LAX1: variants seen among roughly 807,000 people sequenced by gnomAD.
LAX1 encodes lymphocyte transmembrane adaptor 1.
In LAX1, 17 loss-of-function variants were observed where a neutral mutation model predicts 20.7. That is an observed-to-expected ratio of 0.82 (90% confidence interval 0.56 to 1.23). The LOEUF (loss-of-function observed/expected upper bound fraction) is 1.23. Among genes scored for constraint, LAX1 ranks in the 50% most tolerant of loss-of-function variants. LAX1 has a pLI of 0.00. For missense variants in LAX1, 470 were observed against 487.0 expected (o/e 0.97, Z 0.33); for synonymous variants, 165 against 181.0 (o/e 0.91, Z 0.71).
At chr1:203,771,027 C>G in intron 2 of LAX1, 90 bp downstream of exon 2, 2 of 1,087,000 alleles carry the variant, frequency 1.8e-6, no homozygotes, top group Non-Finnish European at 2.8e-6. Context: ...CAGGGATAAA[C>G]TATTGGCCTG....
In LAX1 at chr1:203,775,423, G is replaced by C. The variant is rs1356142669; in HGVS notation, c.*742G>C. On this transcript the variant is annotated 3_prime_UTR_variant, in exon 5 of 5. Coordinates refer to ENST00000442561, the MANE Select transcript of LAX1 (RefSeq NM_017773.4). ...AAAAAACAAACAAAAAAGAAGTGTG[G>C]GCAACCAAATGTAGGTAAGGATGAA... The C allele has an allele frequency of 6.6e-6, 1 of 152,026 alleles. No homozygotes were observed. The allele number at this position is 152,026 out of a possible 1,614,324, so 9.4% of individuals were successfully genotyped here.
chr1:203,770,718 T>TTCAC, intron 1 of LAX1, 110 bp from the exon 2 acceptor site: 1 of 843,606 alleles, frequency 1.2e-6, no homozygotes, highest in Admixed American at 2.0e-5. Context: ...TGGGCTTTCC[T>TTCAC]TCACTCGGCT....
chr1:203,765,779 C>T (rs1294779050), intron 1 of LAX1, 125 bp downstream of exon 1: 13 of 853,818 alleles, frequency 1.5e-5, no homozygotes, highest in Non-Finnish European at 2.5e-5. Context: ...GTCTACTAAA[C>T]CACCAAACTC....
chr1:203,770,455 A>G (rs12081517), intron 1 of LAX1, among the ~76,000 whole-genome samples: 34,123 of 42,224 alleles, frequency 0.81, 14,966 homozygotes, highest in Non-Finnish European at 0.95. Context: ...GAGAGAGAGA[A>G]AGGAAGGAAG....
intron 1 of LAX1, among the ~76,000 whole-genome samples, chr1:203,766,134 A>G (rs1667299891): frequency 6.6e-6 from 1 of 152,204 alleles, no homozygotes; most frequent in Admixed American, 6.5e-5. Context: ...ACTACTTTCA[A>G]TCTCATACAA....
At chr1:203,768,775 G>A (rs58582352) in intron 1 of LAX1, among the ~76,000 whole-genome samples, 4,224 of 152,264 alleles carry the variant, frequency 0.028, 178 homozygotes, top group African/African-American at 0.097. Context: ...GAGGCCAAGA[G>A]TTAAAGCAAG....
chr1:203,770,487 AAGGAAGGAAGGAAGGAAGGAAGG>A lies in LAX1; in HGVS notation c.90-339_90-317del, dbSNP rs1558070777. Among the ~76,000 whole-genome samples, 23 of 77,360 alleles carry A rather than the reference AAGGAAGGAAGGAAGGAAGGAAGG, an allele frequency of 3.0e-4. No homozygotes were observed. In the East Asian group the frequency reaches 0.012, roughly 40 times the overall value. The allele number at this position is 77,360 out of a possible 152,430, so 50.8% of individuals were successfully genotyped here. A position where few individuals can be genotyped will look rare whatever the true frequency, so the allele number is the denominator to read the frequency against. On this transcript the variant is annotated intron_variant, in intron 1 of 4. Coordinates refer to ENST00000442561, the MANE Select transcript of LAX1 (RefSeq NM_017773.4). ...GAAGGAAGGAAGGAAGGAAGGAAGG[AAGGAAGGAAGGAAGGAAGGAAGG>A]AAGAAAGAAAGAAAGAAAGAAAGAA...
chr1:203,773,909 C>G lies in LAX1; in HGVS notation c.425C>G (p.Thr142Arg). 5 of 1,613,712 alleles carry G rather than the reference C, an allele frequency of 3.1e-6. No individual in the cohort carries two copies. In the South Asian group the frequency reaches 5.5e-5, roughly 18 times the overall value. Residue 142 changes from threonine to arginine, a missense_variant, in exon 5 of 5, where the codon ACA becomes AGA. Transcript: ENST00000442561. ...GCAGGCAATGCCTTCCAGGAGCATACAGCCCACATCCATGCCACAGAGTAC... is the reference window on the plus strand; with the variant it reads ...GCAGGCAATGCCTTCCAGGAGCATAGAGCCCACATCCATGCCACAGAGTAC... ...SQAGNAFQEH[T>R]AHIHATEYAV...
At chr1:203,770,433 A>AAG (rs72071580) in intron 1 of LAX1, among the ~76,000 whole-genome samples, 6 of 44,922 alleles carry the variant, frequency 1.3e-4, no homozygotes, top group East Asian at 1.1e-3. Context: ...GAAAGAAAGA[A>AAG]AGAGAGAGAG....
At position 203,773,952 on chromosome 1, in the gene LAX1, C is replaced by G. The variant is rs1372020920; in HGVS notation, c.468C>G (p.Asp156Glu). The change falls in exon 5 of 5, where the codon GAC (aspartate) becomes GAG (glutamate). Residue 156 changes from aspartate to glutamate, a missense_variant. By Grantham distance (45) the Asp-to-Glu change is conservative. Coordinates refer to ENST00000442561, the MANE Select transcript of LAX1 (RefSeq NM_017773.4). ...CAGAGTACGCGGTGGGTATCTATGACAACGCCATGGTCCCCCAGATGTGTG... is the reference window on the plus strand; with the variant it reads ...CAGAGTACGCGGTGGGTATCTATGAGAACGCCATGGTCCCCCAGATGTGTG... The part of the protein sequence containing the change: ...HATEYAVGIY[D>E]NAMVPQMCGN... 6.2e-7 allele frequency: 1 copy of G among 1,613,942 alleles called. No individual in the cohort carries two copies. Among genetic ancestry groups the G allele is most frequent in the South Asian group, 1.1e-5 (1 of 91,064 alleles).
chr1:203,769,455 A>G (rs1219027229), intron 1 of LAX1, among the ~76,000 whole-genome samples: 20 of 66,466 alleles, frequency 3.0e-4, no homozygotes, highest in African/African-American at 9.2e-4. Context: ...GAAAGAAAGA[A>G]AAGAAAAGAA....
chr1:203,771,917 A>T (rs1285283344), intron 3 of LAX1, 151 bp from the exon 4 acceptor site: 1 of 653,354 alleles, frequency 1.5e-6, no homozygotes, highest in African/African-American at 1.8e-5. Flanking sequence ...TCATCCCCAT[A>T]ACTCTGACCT....
chr1:203,770,151 C>T (rs886397804), intron 1 of LAX1, among the ~76,000 whole-genome samples: 1 of 151,940 alleles, frequency 6.6e-6, no homozygotes, highest in East Asian at 1.9e-4. Context: ...GGCACGGTGG[C>T]TCACACCTGT....
At chr1:203,769,773 C>CGGGGGGGGGGGGGG (rs1311215813) in intron 1 of LAX1, 1 of 24,316 alleles carries the variant, frequency 4.1e-5, no homozygotes. Context: ...CAAATTGGTG[C>CGGGGGGGGGGGGGG]GGGGGGGGGG....
Position 203,765,449 on chromosome 1 carries a change from G to C in LAX1, c.-117G>C. 6.4e-7 allele frequency: 1 copy of C among 1,557,982 alleles called. No homozygotes were observed. The highest frequency in any genetic ancestry group is 2.4e-5 in the East Asian group (1 of 41,578). On this transcript the variant is annotated 5_prime_UTR_variant, in exon 1 of 5. Coordinates refer to ENST00000442561, the MANE Select transcript of LAX1 (RefSeq NM_017773.4). Reference sequence around the variant, plus strand: ...GGCCTGACGTTTCAGAGGTAGACACGAGATAGGGAGTTTGTTGCGGGGGTG... The same window carrying C: ...GGCCTGACGTTTCAGAGGTAGACACCAGATAGGGAGTTTGTTGCGGGGGTG...
rs1667507315 is a variant in LAX1 at position 203,776,118 on chromosome 1, T to G, written c.*1437T>G. 1 of 152,164 alleles carries G rather than the reference T, an allele frequency of 6.6e-6. No homozygotes were observed. Among genetic ancestry groups the G allele is most frequent in the Admixed American group, 6.6e-5 (1 of 15,254 alleles). 9.4% of individuals were successfully genotyped at this position (152,164 alleles called of 1,614,324 possible). A position where few individuals can be genotyped will look rare whatever the true frequency, so the allele number is the denominator to read the frequency against. ...GAACACAAGGTCAGGAGATCAAGAC[T>G]GTCCTGGACAACATGGTGAAACCCT... On this transcript the variant is annotated 3_prime_UTR_variant, in exon 5 of 5. Coordinates refer to ENST00000442561, the MANE Select transcript of LAX1 (RefSeq NM_017773.4).
At chr1:203,771,343 C>T in intron 2 of LAX1, 24 bp from the exon 3 acceptor site, 1 of 1,431,006 alleles carries the variant, frequency 7.0e-7, no homozygotes, top group Non-Finnish European at 9.9e-7. Context: ...CGCCATGACT[C>T]CCATCTCTCT....
intron 1 of LAX1, among the ~76,000 whole-genome samples, chr1:203,770,101 G>A (rs182199829): frequency 6.6e-6 from 1 of 152,168 alleles, no homozygotes; most frequent in East Asian, 1.9e-4. Context: ...GCCACAAAGT[G>A]TGATAGGATT....
At chr1:203,770,187 G>A (rs575524372) in intron 1 of LAX1, among the ~76,000 whole-genome samples, 4 of 151,972 alleles carry the variant, frequency 2.6e-5, no homozygotes, top group African/African-American at 9.6e-5. Context: ...GGAGGCCAAG[G>A]CGGGCAGATG....
Sources: gnomAD v4.1 joint callset for allele counts (sites outside exome capture counted in the v4.1 genomes callset) on GRCh38, gnomAD v4.1.1 for gene constraint, MANE v1.5 for transcripts, NCBI Gene and HGNC (gene_info 2026-07-23, HGNC 2026-07-21) for gene names.